Variants in DOCK7 observed in about 807,000 individuals in gnomAD.
DOCK7 encodes the protein dedicator of cytokinesis protein 7.
A neutral mutation model predicts 271.0 loss-of-function variants in DOCK7; 138 were observed. The ratio of observed to expected loss-of-function variants is 0.51; its 90% CI spans 0.44 to 0.59. The LOEUF is 0.59. DOCK7 is among the 20% of genes least tolerant of loss of function. DOCK7 has a pLI of 0.00. For missense variants in DOCK7, 2,066 were observed against 2,592.4 expected (o/e 0.80, Z 4.41); for synonymous variants, 823 against 876.1 (o/e 0.94, Z 1.07).
chr1:62,467,830 G>C (rs1005475600), intron 48 of DOCK7, among the ~76,000 whole-genome samples: 1 of 152,110 alleles, frequency 6.6e-6, no homozygotes, highest in Non-Finnish European at 1.5e-5. Context: ...CAATATCCCT[G>C]ATGAACATAG....
intron 34 of DOCK7, among the ~76,000 whole-genome samples, 156 bp from the exon 35 acceptor site, chr1:62,508,214 A>G (rs180914428): frequency 6.6e-6 from 1 of 152,366 alleles, no homozygotes; most frequent in East Asian, 1.9e-4. Context: ...AGTAGTTTAC[A>G]CATTTATGCA....
At chr1:62,641,661 T>C (rs1006572829) in intron 7 of DOCK7, 5 of 442,560 alleles carry the variant, frequency 1.1e-5, no homozygotes, top group Non-Finnish European at 1.8e-5. Flanking sequence ...TTGGCCACAA[T>C]GGCCGCTGGG....
chr1:62,598,077 A>T, intron 14 of DOCK7: 4 of 1,572,186 alleles, frequency 2.5e-6, no homozygotes, highest in Non-Finnish European at 3.4e-6. Context: ...TAGAAAATAA[A>T]GAGGGTTCAT....
intron 7 of DOCK7, among the ~76,000 whole-genome samples, chr1:62,640,016 C>T (rs1326370798): frequency 3.3e-5 from 5 of 151,830 alleles, no homozygotes; most frequent in Admixed American, 2.6e-4. Flanking sequence ...TCAAGAAATG[C>T]TACTTGCTGA....
intron 1 of DOCK7, among the ~76,000 whole-genome samples, chr1:62,681,516 G>A (rs190512700): frequency 3.0e-4 from 44 of 145,178 alleles, no homozygotes; most frequent in Middle Eastern, 3.5e-3. Flanking sequence ...CACATGTACC[G>A]TAGAACTTAA....
Position 62,592,943 on chromosome 1 carries a change from C to A in DOCK7, c.1683-6319G>T, listed in dbSNP as rs1285821965. ...CACCACCATAAAAGCATTTTCTATA[C>A]ATACTGTTTATAATTAGAAAATTGG... On this transcript the variant is annotated intron_variant, in intron 14 of 49. Transcript: ENST00000635253. Among the ~76,000 whole-genome samples the A allele has an allele frequency of 2.0e-5, 3 of 152,112 alleles. No homozygotes were observed. In the East Asian group the frequency reaches 5.8e-4, roughly 29 times the overall value.
In DOCK7 at chr1:62,555,955, T is replaced by C. The variant is rs1646128672; in HGVS notation, c.2466A>G (p.Ala822=). ...NLGQASFEAM[A]SIINRLHKNL... ...TTTTGTGAAGTCGATTTATAATTGA[T>C]GCCATGGCTTCAAAAGATGCTTGAC... is the stretch of plus-strand genomic sequence containing the variant. Residue 822 remains alanine (A), a synonymous_variant, in exon 21 of 50, where the codon GCA becomes GCG. Coordinates refer to ENST00000635253, the MANE Select transcript of DOCK7 (RefSeq NM_001367561.1). The C allele has an allele frequency of 6.2e-7, 1 of 1,613,748 alleles. No homozygotes were observed. Among genetic ancestry groups the C allele is most frequent in the Non-Finnish European group, 8.5e-7 (1 of 1,179,928 alleles).
chr1:62,675,442 G>A (rs190377135), intron 1 of DOCK7, among the ~76,000 whole-genome samples: 6 of 152,166 alleles, frequency 3.9e-5, no homozygotes, highest in Admixed American at 1.3e-4. Context: ...ACCTGAACAG[G>A]TATTTCACCA....
chr1:62,597,092 G>GA (rs1649369008), intron 14 of DOCK7, among the ~76,000 whole-genome samples: 6 of 152,142 alleles, frequency 3.9e-5, no homozygotes, highest in Admixed American at 3.9e-4. Context: ...GCTTCAGAGA[G>GA]AAAGTGTTTT....
chr1:62,542,301 T>C (rs1446422073), intron 25 of DOCK7, among the ~76,000 whole-genome samples: 3 of 152,170 alleles, frequency 2.0e-5, no homozygotes, highest in Admixed American at 6.6e-5. Flanking sequence ...ATACTGTCAT[T>C]ATACACTTCA....
Position 62,653,790 on chromosome 1 carries a change from T to C in DOCK7, c.324A>G (p.Glu108=). Residue 108 remains glutamate (E), a synonymous_variant, in exon 4 of 50, where the codon GAA becomes GAG. Coordinates refer to ENST00000635253, the MANE Select transcript of DOCK7 (RefSeq NM_001367561.1). ...TACAGTCTCTAACATGTGGATCCAT[T>C]TCACTATTTTAAAAAGGAAAATACA... ...TLVSAVPEES[E]MDPHVRDCIR... is the part of the protein sequence containing the mutation. 6.3e-7 allele frequency: 1 copy of C among 1,585,482 alleles called. No homozygotes were observed. Among genetic ancestry groups the C allele is most frequent in the Non-Finnish European group, 8.7e-7 (1 of 1,155,464 alleles).
At chr1:62,559,370 T>C (rs996527819) in intron 19 of DOCK7, 150 bp from the exon 20 acceptor site, 6 of 550,676 alleles carry the variant, frequency 1.1e-5, no homozygotes, top group African/African-American at 3.8e-5. Flanking sequence ...ATTAAACAAA[T>C]CTATTTTCAT....
rs781276473 is a variant in DOCK7, at chr1:62,552,751, C to A, written c.2747G>T (p.Arg916Leu). 5.6e-6 allele frequency: 9 copies of A among 1,611,470 alleles called. No homozygotes were observed. In the Admixed American group the frequency reaches 1.0e-4, roughly 18 times the overall value. ...GTPTSPDDEV[R>L]SIIGSKGLDR... ...GTTTACCTTACTCCCGATGATTGATCGAACTTCATCATCTGGTGACGTGGG... is the reference window on the plus strand; with the variant it reads ...GTTTACCTTACTCCCGATGATTGATAGAACTTCATCATCTGGTGACGTGGG... The change falls in exon 22 of 50, where the codon CGA (arginine) becomes CTA (leucine). Residue 916 changes from arginine to leucine, a missense_variant. This residue lies in a region of DOCK7 where 1,414 missense variants were observed against 1,670.4 expected (regional missense o/e 0.85). Transcript: ENST00000635253.
At chr1:62,556,934 A>T (rs1273100767) in intron 20 of DOCK7, among the ~76,000 whole-genome samples, 2 of 152,168 alleles carry the variant, frequency 1.3e-5, no homozygotes, top group Non-Finnish European at 2.9e-5. Context: ...TTCTTACAGT[A>T]GCTACTCCAA....
At chr1:62,529,138 T>G (rs2149372523) in intron 30 of DOCK7, 139 bp downstream of exon 30, 1 of 792,414 alleles carries the variant, frequency 1.3e-6, no homozygotes, top group Non-Finnish European at 1.8e-6. Context: ...TCTGGCAATA[T>G]AGTTTAATAT....
chr1:62,668,909 A>G (rs1659618737), intron 1 of DOCK7, among the ~76,000 whole-genome samples: 1 of 147,288 alleles, frequency 6.8e-6, no homozygotes, highest in South Asian at 2.2e-4. Flanking sequence ...TGGGCAATAA[A>G]GTGAGACCTT....
intron 11 of DOCK7, among the ~76,000 whole-genome samples, chr1:62,630,774 T>C (rs890143306): frequency 1.3e-5 from 2 of 151,956 alleles, no homozygotes; most frequent in East Asian, 1.9e-4. Flanking sequence ...ACTTATATGG[T>C]ATGTGAATTA....
Position 62,541,088 on chromosome 1 carries a change from T to C in DOCK7, c.3046-1196A>G, listed in dbSNP as rs180783783. Among the ~76,000 whole-genome samples, 44 of 152,312 alleles carry C rather than the reference T, an allele frequency of 2.9e-4. No individual in the cohort carries two copies. In the East Asian group the frequency reaches 4.4e-3, roughly 15 times the overall value. ...CTTTTCTCTTTTTTGTTGTTTTGTTTTATATTTTTTTACATACTTCTTTTT... is the reference window on the plus strand; with the variant it reads ...CTTTTCTCTTTTTTGTTGTTTTGTTCTATATTTTTTTACATACTTCTTTTT... On this transcript the variant is annotated intron_variant, in intron 25 of 49. Transcript: ENST00000635253.
chr1:62,523,401 G>T (rs1465680043), intron 31 of DOCK7, among the ~76,000 whole-genome samples: 1 of 151,696 alleles, frequency 6.6e-6, no homozygotes, highest in Non-Finnish European at 1.5e-5. Flanking sequence ...AACTTACACT[G>T]TATATAAAAA....
Sources: gnomAD v4.1 joint callset for allele counts (sites outside exome capture counted in the v4.1 genomes callset) on GRCh38, gnomAD v4.1.1 for gene constraint, gnomAD v4.1.1 regional missense constraint, MANE v1.5 for transcripts, NCBI Gene and HGNC (gene_info 2026-07-23, HGNC 2026-07-21) for gene names.